The following ASCC3 variants were observed in gnomAD, a reference collection of about 807,000 sequenced individuals.
The protein encoded by ASCC3 is ASC-1 complex subunit P200.
Under a neutral mutation model 256.3 loss-of-function variants are expected in ASCC3, and 158 were observed. That is an observed-to-expected ratio of 0.62 (90% CI 0.54 to 0.70). ASCC3 has a LOEUF of 0.70. Among genes scored for constraint, ASCC3 ranks in the 30% least tolerant of loss-of-function variants. ASCC3 has a pLI of 0.00. For synonymous variants in ASCC3, 948 were observed against 883.4 expected (o/e 1.07, Z -1.30); for missense variants, 2,259 against 2,626.0 (o/e 0.86, Z 3.05).
chr6:100,509,020 G>A lies in ASCC3; in HGVS notation c.*366C>T, dbSNP rs1277584536. The A allele has an allele frequency of 1.0e-5, 3 of 288,550 alleles. No homozygotes were observed. Among genetic ancestry groups the A allele is most frequent in the East Asian group, 9.0e-5 (1 of 11,146 alleles). 17.9% of individuals were successfully genotyped at this position (288,550 alleles called of 1,614,324 possible). ...GTCCTAACACTTGTCACATCTCAAT[G>A]TGGTTTTCCTTAAAAAAAGCAGCCA... On this transcript the variant is annotated 3_prime_UTR_variant, in exon 42 of 42. Transcript: ENST00000369162.
At chr6:100,753,196 A>G (rs1331775094) in intron 10 of ASCC3, among the ~76,000 whole-genome samples, 1 of 152,094 alleles carries the variant, frequency 6.6e-6, no homozygotes, top group Admixed American at 6.6e-5. Flanking sequence ...AATGATGTTT[A>G]TATTTCATGT....
intron 4 of ASCC3, among the ~76,000 whole-genome samples, chr6:100,840,509 T>TTTTTG (rs1772091054): frequency 2.0e-5 from 3 of 148,922 alleles, no homozygotes; most frequent in Admixed American, 6.7e-5. Context: ...TTTTTTTTTT[T>TTTTTG]GGCGTAAGAG....
In ASCC3 at chr6:100,589,828, A is replaced by G. The variant is rs879214354; in HGVS notation, c.5416-60T>C. ...GAAAGTACATATCTTTATAAAATTA[A>G]TAATTCAGACAGGTGCTTTTGAAAC... On this transcript the variant is annotated intron_variant, in intron 35 of 41. Transcript: ENST00000369162. 42 of 1,607,508 alleles carry G rather than the reference A, an allele frequency of 2.6e-5. 2 individuals are homozygous for G. The South Asian group carries it at 4.1e-4, about 16-fold the overall frequency.
rs199636902 is a variant in ASCC3 at position 100,645,685 on chromosome 6, AG to A, written c.3633+929del. ...CTAACATAGTAACTGGTACAAAAAT[AG>A]ATCTTTAAAAAATGTTGATTGAATA... On this transcript the variant is annotated intron_variant, in intron 22 of 41. Transcript: ENST00000369162. Among the ~76,000 whole-genome samples the A allele has an allele frequency of 3.8e-4, 58 of 152,304 alleles. 1 individual carries two copies. Among genetic ancestry groups the A allele is most frequent in the African/African-American group, 1.4e-3 (57 of 41,574 alleles).
chr6:100,772,790 T>C (rs1782006406), intron 8 of ASCC3, among the ~76,000 whole-genome samples: 1 of 152,160 alleles, frequency 6.6e-6, no homozygotes, highest in African/African-American at 2.4e-5. Context: ...CAATATAACT[T>C]TTAAGAAACC....
chr6:100,769,670 A>C (rs1781830767), intron 8 of ASCC3, among the ~76,000 whole-genome samples: 1 of 151,904 alleles, frequency 6.6e-6, no homozygotes, highest in African/African-American at 2.4e-5. Flanking sequence ...TGATTCTTTG[A>C]AATTAATAAA....
chr6:100,720,887 C>T (rs776078235), intron 11 of ASCC3, among the ~76,000 whole-genome samples: 34 of 147,356 alleles, frequency 2.3e-4, no homozygotes, highest in Non-Finnish European at 2.2e-4. Context: ...GCATATAATA[C>T]ATAATAAACC....
chr6:100,607,764 A>T (rs1348965752), intron 30 of ASCC3, among the ~76,000 whole-genome samples: 1 of 151,694 alleles, frequency 6.6e-6, no homozygotes, highest in African/African-American at 2.4e-5. Context: ...ACACAGCTAT[A>T]AACATATTAG....
intron 36 of ASCC3, among the ~76,000 whole-genome samples, chr6:100,588,488 A>C (rs1013055378): frequency 6.6e-6 from 1 of 152,150 alleles, no homozygotes; most frequent in African/African-American, 2.4e-5. Context: ...GGATCTAAAA[A>C]ATTCTTTATA....
chr6:100,663,784 C>A (rs1221302902), intron 14 of ASCC3, among the ~76,000 whole-genome samples: 1 of 152,096 alleles, frequency 6.6e-6, no homozygotes, highest in Admixed American at 6.6e-5. Context: ...CAAGTTACAG[C>A]TACAGTGTGA....
At chr6:100,821,949 G>A (rs533423367) in intron 4 of ASCC3, among the ~76,000 whole-genome samples, 48 of 152,238 alleles carry the variant, frequency 3.2e-4, no homozygotes, top group African/African-American at 1.2e-3. Flanking sequence ...TGTACAAAGT[G>A]TCCAAAATGG....
chr6:100,568,607 T>C (rs1770398890), intron 36 of ASCC3, among the ~76,000 whole-genome samples: 1 of 151,850 alleles, frequency 6.6e-6, no homozygotes, highest in African/African-American at 2.4e-5. Flanking sequence ...AGACCTTTCT[T>C]GGACACATGG....
At chr6:100,667,055 A>G (rs1369187041) in intron 14 of ASCC3, among the ~76,000 whole-genome samples, 1 of 152,214 alleles carries the variant, frequency 6.6e-6, no homozygotes, top group African/African-American at 2.4e-5. Context: ...AGGGACCAAG[A>G]TGAAACTTTG....
chr6:100,744,114 C>G (rs916255015), intron 10 of ASCC3, among the ~76,000 whole-genome samples: 3 of 152,178 alleles, frequency 2.0e-5, no homozygotes, highest in African/African-American at 7.2e-5. Flanking sequence ...AGCAGAAGCT[C>G]AAACCTTCAG....
At chr6:100,584,744 G>A (rs1371977419) in intron 36 of ASCC3, among the ~76,000 whole-genome samples, 1 of 151,888 alleles carries the variant, frequency 6.6e-6, no homozygotes, top group Non-Finnish European at 1.5e-5. Context: ...TCCATATTTA[G>A]TGCTTCCTTC....
chr6:100,803,662 C>T (rs1336657168), intron 5 of ASCC3, among the ~76,000 whole-genome samples: 1 of 152,078 alleles, frequency 6.6e-6, no homozygotes, highest in East Asian at 1.9e-4. Flanking sequence ...GACAAAATTG[C>T]TAAATTTATA....
intron 3 of ASCC3, among the ~76,000 whole-genome samples, chr6:100,861,648 T>C (rs1562352161): frequency 6.6e-6 from 1 of 152,126 alleles, no homozygotes; most frequent in Non-Finnish European, 1.5e-5. Flanking sequence ...AAAATGGGTA[T>C]AAAAGATTTA....
In ASCC3 at chr6:100,667,955, A is replaced by AC. The variant is rs1776565648; in HGVS notation, c.2287-5420_2287-5419insG. ...TAAAGATTGTGAAATTGAGAAAAAA[A>AC]ATTAACACTCTTACCTTAAAAGAAA... On this transcript the variant is annotated intron_variant, in intron 14 of 41. Transcript: ENST00000369162. Among the ~76,000 whole-genome samples the AC allele has an allele frequency of 3.9e-5, 6 of 152,054 alleles. No homozygotes were observed. In the South Asian group the frequency reaches 1.2e-3, roughly 31 times the overall value.
chr6:100,569,527 AC>A (rs1770474664), intron 36 of ASCC3, among the ~76,000 whole-genome samples: 2 of 151,564 alleles, frequency 1.3e-5, no homozygotes, highest in Admixed American at 6.6e-5. Flanking sequence ...GGACTACAGG[AC>A]CCCACCAACA....
Sources: allele counts gnomAD v4.1 joint callset (sites outside exome capture counted in the v4.1 genomes callset), GRCh38; gene constraint gnomAD v4.1.1; transcripts MANE v1.5; gene names NCBI Gene and HGNC (gene_info 2026-07-23, HGNC 2026-07-21).